The following AKAP19 variants were observed in gnomAD, a reference collection of about 807,000 sequenced individuals.
The protein encoded by AKAP19 is small A-kinase anchoring protein.
the AKAP19 span, among the ~76,000 whole-genome samples, chr2:190,083,900 G>A: frequency 1.3e-5 from 2 of 152,080 alleles, no homozygotes; most frequent in African/African-American, 4.8e-5. Flanking sequence ...CTTGCTTGTT[G>A]AAGTCACACA....
the AKAP19 span, among the ~76,000 whole-genome samples, chr2:189,883,864 G>A: frequency 6.6e-6 from 1 of 152,026 alleles, no homozygotes; most frequent in Non-Finnish European, 1.5e-5. Flanking sequence ...TTTTGGTGAG[G>A]TTTTGTAGTA....
At chr2:190,172,578 A>C in the AKAP19 span, among the ~76,000 whole-genome samples, 1 of 152,138 alleles carries the variant, frequency 6.6e-6, no homozygotes, top group Non-Finnish European at 1.5e-5. Flanking sequence ...ATGACAATTA[A>C]GGGATTAGGA....
chr2:190,082,073 G>T, the AKAP19 span, among the ~76,000 whole-genome samples: 1 of 152,182 alleles, frequency 6.6e-6, no homozygotes, highest in Non-Finnish European at 1.5e-5. Flanking sequence ...TGGCCAGTCT[G>T]TGGAGTATGC....
chr2:190,170,215 G>T, the AKAP19 span, among the ~76,000 whole-genome samples: 2 of 152,192 alleles, frequency 1.3e-5, no homozygotes, highest in Admixed American at 1.3e-4. Context: ...TCACCCTCGT[G>T]ACCTAATTAC....
At chr2:189,978,851 T>C in the AKAP19 span, among the ~76,000 whole-genome samples, 2 of 152,090 alleles carry the variant, frequency 1.3e-5, no homozygotes, top group Non-Finnish European at 2.9e-5. Context: ...AAAAATTACC[T>C]TGTAATTAAC....
At chr2:190,084,092 T>TTG in the AKAP19 span, among the ~76,000 whole-genome samples, 1 of 148,382 alleles carries the variant, frequency 6.7e-6, no homozygotes, top group Non-Finnish European at 1.5e-5. Flanking sequence ...GAGCTCAGGT[T>TTG]TTTTTTTTTT....
the AKAP19 span, among the ~76,000 whole-genome samples, chr2:190,083,482 C>T: frequency 6.6e-6 from 1 of 151,962 alleles, no homozygotes; most frequent in East Asian, 1.9e-4. Context: ...GCCCAGAAGA[C>T]TCAGACCTGA....
the AKAP19 span, among the ~76,000 whole-genome samples, chr2:190,019,462 A>G: frequency 1.4e-3 from 214 of 152,118 alleles, no homozygotes; most frequent in African/African-American, 5.1e-3. Flanking sequence ...AGAACTTCCC[A>G]CCACTTGTGG....
the AKAP19 span, among the ~76,000 whole-genome samples, chr2:190,002,966 T>C: frequency 3.9e-5 from 6 of 152,312 alleles, no homozygotes; most frequent in East Asian, 9.6e-4. Flanking sequence ...TTGCCATCAT[T>C]TTCTTGTAAT....
chr2:190,189,080 G>A, the AKAP19 span, among the ~76,000 whole-genome samples: 2 of 152,196 alleles, frequency 1.3e-5, no homozygotes. Context: ...GTAGTACCCA[G>A]AGACCTGTTT....
chr2:190,100,420 C>A, the AKAP19 span, among the ~76,000 whole-genome samples: 2 of 152,156 alleles, frequency 1.3e-5, no homozygotes, highest in African/African-American at 4.8e-5. Flanking sequence ...GAATCCAGTT[C>A]TTTCATGCAA....
the AKAP19 span, among the ~76,000 whole-genome samples, chr2:190,105,867 C>T: frequency 6.6e-6 from 1 of 152,134 alleles, no homozygotes; most frequent in Non-Finnish European, 1.5e-5. Context: ...AACAGAATTC[C>T]TTGGGGTTAG....
At chr2:189,909,009 A>G in the AKAP19 span, among the ~76,000 whole-genome samples, 1 of 152,122 alleles carries the variant, frequency 6.6e-6, no homozygotes, top group South Asian at 2.1e-4. Context: ...CAGATCTATT[A>G]ATAGTTGCTT....
chr2:190,139,052 C>A, the AKAP19 span, among the ~76,000 whole-genome samples: 4 of 152,230 alleles, frequency 2.6e-5, no homozygotes, highest in African/African-American at 9.6e-5. Flanking sequence ...CTCAACAAAA[C>A]AAATAATTCC....
At chr2:189,960,564 CTA>C in the AKAP19 span, among the ~76,000 whole-genome samples, 1 of 152,186 alleles carries the variant, frequency 6.6e-6, no homozygotes, top group Non-Finnish European at 1.5e-5. Flanking sequence ...AAGAGTGACT[CTA>C]CCCCTTGAAA....
At chr2:190,196,468 C>T in the AKAP19 span, among the ~76,000 whole-genome samples, 1 of 148,878 alleles carries the variant, frequency 6.7e-6, no homozygotes, top group Non-Finnish European at 1.5e-5. Flanking sequence ...CTTGGGTATA[C>T]TTAAATAGCT....
the AKAP19 span, among the ~76,000 whole-genome samples, chr2:189,956,681 C>G: frequency 6.6e-6 from 1 of 152,130 alleles, no homozygotes; most frequent in Admixed American, 6.5e-5. Context: ...TAGGCTCAAG[C>G]AATCCTCCTG....
At chr2:190,107,642 A>T in the AKAP19 span, among the ~76,000 whole-genome samples, 1 of 152,192 alleles carries the variant, frequency 6.6e-6, no homozygotes, top group Non-Finnish European at 1.5e-5. Flanking sequence ...TGTATTGCTG[A>T]AAGAGTGGGG....
the AKAP19 span, among the ~76,000 whole-genome samples, chr2:190,042,953 GT>G: frequency 6.6e-6 from 1 of 152,170 alleles, no homozygotes; most frequent in Non-Finnish European, 1.5e-5. Context: ...CACTTAAGAA[GT>G]TTAGTTTGGC....
Sources: gnomAD v4.1 joint callset for allele counts (sites outside exome capture counted in the v4.1 genomes callset) on GRCh38, gnomAD v4.1.1 for gene constraint, MANE v1.5 for transcripts, NCBI Gene and HGNC (gene_info 2026-07-23, HGNC 2026-07-21) for gene names.